The following FBXL4 variants were observed in gnomAD, a reference collection of about 807,000 sequenced individuals.
The protein encoded by FBXL4 is F-box/LRR-repeat protein 4.
FBXL4 carries 40 observed loss-of-function variants against 58.9 expected under a neutral mutation model. The observed-to-expected ratio is 0.68, with a 90% CI of 0.53 to 0.88. The LOEUF (loss-of-function observed/expected upper bound fraction) is 0.88. Ranked by LOEUF, FBXL4 falls within the 40% of genes least tolerant of loss-of-function variation. The pLI is 0.00. For missense variants in FBXL4, 676 were observed against 734.4 expected (o/e 0.92, Z 0.92); for synonymous variants, 263 against 265.5 (o/e 0.99, Z 0.09).
chr6:98,944,691 G>A (rs1773555472), intron 1 of FBXL4, among the ~76,000 whole-genome samples: 1 of 152,110 alleles, frequency 6.6e-6, no homozygotes, highest in African/African-American at 2.4e-5. Flanking sequence ...CAGAGGGCAG[G>A]TTTGTTTACC....
intron 7 of FBXL4, among the ~76,000 whole-genome samples, chr6:98,885,972 C>T (rs953972267): frequency 6.6e-6 from 1 of 152,116 alleles, no homozygotes; most frequent in Non-Finnish European, 1.5e-5. Flanking sequence ...ACAGGGGCCT[C>T]TGGTCACAAG....
chr6:98,890,654 C>T (rs1562222218), intron 7 of FBXL4, among the ~76,000 whole-genome samples: 1 of 152,128 alleles, frequency 6.6e-6, no homozygotes. Flanking sequence ...TGCAGTAACT[C>T]ATGCCTGTAA....
At chr6:98,938,750 AT>A (rs974470523) in intron 1 of FBXL4, among the ~76,000 whole-genome samples, 107 of 149,002 alleles carry the variant, frequency 7.2e-4, no homozygotes, top group African/African-American at 2.3e-3. Context: ...CTTTTGTGGC[AT>A]TTTTTTTTTC....
At chr6:98,888,297 G>C (rs752931293) in intron 7 of FBXL4, among the ~76,000 whole-genome samples, 2 of 152,212 alleles carry the variant, frequency 1.3e-5, no homozygotes, top group Non-Finnish European at 2.9e-5. Context: ...ACAACAGCAG[G>C]ATTGAGTAGC....
intron 5 of FBXL4, among the ~76,000 whole-genome samples, chr6:98,910,403 C>G (rs1325768969): frequency 6.6e-6 from 1 of 152,152 alleles, no homozygotes; most frequent in Non-Finnish European, 1.5e-5. Context: ...CCCATAATCC[C>G]AGCACTCTGG....
At chr6:98,914,620 G>C (rs531507069) in intron 5 of FBXL4, among the ~76,000 whole-genome samples, 8 of 151,994 alleles carry the variant, frequency 5.3e-5, no homozygotes, top group Non-Finnish European at 7.4e-5. Flanking sequence ...ATTCAACAAC[G>C]CTTCATGCTA....
intron 2 of FBXL4, among the ~76,000 whole-genome samples, chr6:98,932,624 C>A (rs9402315): frequency 6.6e-6 from 1 of 151,640 alleles, no homozygotes; most frequent in East Asian, 1.9e-4. Context: ...GCTTGTACTT[C>A]GAAGGGAAAA....
intron 2 of FBXL4, among the ~76,000 whole-genome samples, chr6:98,931,361 A>G (rs1291442904): frequency 6.6e-6 from 1 of 152,246 alleles, no homozygotes. Context: ...AAAATTTTGC[A>G]TTGAGGCAAC....
At chr6:98,913,496 T>A (rs1261854547) in intron 5 of FBXL4, among the ~76,000 whole-genome samples, 1 of 152,064 alleles carries the variant, frequency 6.6e-6, no homozygotes, top group East Asian at 1.9e-4. Flanking sequence ...AAACTAGAAC[T>A]CAGGATTAAG....
rs182076681 is a variant in FBXL4 at position 98,905,413 on chromosome 6, G to C, written c.1103+13C>G. ...TGGGGGGGAAAAAAACTTCATCAAG[G>C]CTTTGTACTAACCTGCTAAATCCTG... On this transcript the variant is annotated intron_variant, in intron 6 of 9. Coordinates refer to ENST00000369244, the MANE Select transcript of FBXL4 (RefSeq NM_001278716.2). 8 of 1,612,506 alleles carry C rather than the reference G, an allele frequency of 5.0e-6. No individual in the cohort carries two copies. Among genetic ancestry groups the C allele is most frequent in the African/African-American group, 4.0e-5 (3 of 74,838 alleles).
chr6:98,938,190 T>A (rs1352498173), intron 1 of FBXL4, among the ~76,000 whole-genome samples: 1 of 152,196 alleles, frequency 6.6e-6, no homozygotes, highest in Non-Finnish European at 1.5e-5. Context: ...TCACAGTTTT[T>A]TCTGTAACAA....
chr6:98,894,103 G>A (rs2128386639), intron 7 of FBXL4, among the ~76,000 whole-genome samples: 1 of 152,280 alleles, frequency 6.6e-6, no homozygotes, highest in South Asian at 2.1e-4. Flanking sequence ...CTGATCTCAA[G>A]TGATCCTTCT....
intron 2 of FBXL4, among the ~76,000 whole-genome samples, chr6:98,933,217 C>T (rs772655898): frequency 6.6e-6 from 1 of 152,194 alleles, no homozygotes; most frequent in Non-Finnish European, 1.5e-5. Context: ...CTAGCTTTTA[C>T]ACCAACTTGT....
At chr6:98,899,532 G>A in intron 6 of FBXL4, 51 bp from the exon 7 acceptor site, 1 of 1,563,268 alleles carries the variant, frequency 6.4e-7, no homozygotes, top group Non-Finnish European at 8.7e-7. Context: ...AGATATTTTT[G>A]CAAGAACTTT....
chr6:98,879,642 G>A (rs984804925), intron 8 of FBXL4, among the ~76,000 whole-genome samples: 1 of 152,046 alleles, frequency 6.6e-6, no homozygotes, highest in African/African-American at 2.4e-5. Flanking sequence ...CGGCAATTTG[G>A]GAGGCCGAGG....
chr6:98,880,957 A>T (rs1385928648), intron 7 of FBXL4, among the ~76,000 whole-genome samples: 1 of 152,178 alleles, frequency 6.6e-6, no homozygotes, highest in Non-Finnish European at 1.5e-5. Flanking sequence ...GAACAACAAG[A>T]CAAGCTAAAC....
At chr6:98,913,263 T>A (rs1772175847) in intron 5 of FBXL4, among the ~76,000 whole-genome samples, 1 of 152,102 alleles carries the variant, frequency 6.6e-6, no homozygotes, top group Non-Finnish European at 1.5e-5. Flanking sequence ...ATTAGACAGA[T>A]CAACGAGACA....
intron 5 of FBXL4, among the ~76,000 whole-genome samples, chr6:98,914,187 CAA>C (rs1434637961): frequency 6.6e-6 from 1 of 152,246 alleles, no homozygotes; most frequent in South Asian, 2.1e-4. Flanking sequence ...GCTTACCAAC[CAA>C]AAAGAGTCCA....
In FBXL4 at chr6:98,917,646, T is replaced by C. The variant is rs1324011817; in HGVS notation, c.586A>G (p.Lys196Glu). ...AGATTTGTGGGGAAATTTATCTGCT[T>C]AATACAAGGTTTAAACTGGCGAGCT... Reference protein sequence around the residue: ...SQARQFKPCIKQINFPTNLIR... With the variant: ...SQARQFKPCIEQINFPTNLIR... Residue 196 changes from lysine to glutamate, a missense_variant, in exon 5 of 10, where the codon AAG (lysine) becomes GAG (glutamate). Transcript: ENST00000369244. 1 of 1,613,808 alleles carries C rather than the reference T, an allele frequency of 6.2e-7. No individual in the cohort carries two copies. Among genetic ancestry groups the C allele is most frequent in the African/African-American group, 1.3e-5 (1 of 74,910 alleles).
Sources: gnomAD v4.1 joint callset for allele counts (sites outside exome capture counted in the v4.1 genomes callset) on GRCh38, gnomAD v4.1.1 for gene constraint, MANE v1.5 for transcripts, NCBI Gene and HGNC (gene_info 2026-07-23, HGNC 2026-07-21) for gene names.